SOX8: variants seen among roughly 807,000 people sequenced by gnomAD.
SOX8 encodes the protein transcription factor SOX-8.
SOX8 carries 9 observed loss-of-function variants against 22.9 expected under a neutral mutation model. The ratio of observed to expected loss-of-function variants is 0.39; its 90% CI spans 0.24 to 0.69. The LOEUF is 0.69. Ranked by LOEUF, SOX8 falls within the 30% of genes least tolerant of loss-of-function variation. The pLI, the probability that SOX8 is intolerant of heterozygous loss-of-function variation, is 0.43. For synonymous variants in SOX8, 416 were observed against 330.6 expected (o/e 1.26, Z -2.80); for missense variants, 734 against 699.4 (o/e 1.05, Z -0.56).
rs1047343132 is a variant in SOX8 at position 986,669 on chromosome 16, G to A, written c.*1283G>A. On this transcript the variant is annotated 3_prime_UTR_variant, in exon 3 of 3. Coordinates refer to ENST00000293894, the MANE Select transcript of SOX8 (RefSeq NM_014587.5). ...TGCTGAGCATAGAGCATACAATAGC[G>A]CCTACTTCACGGAAACTTGTGCCTT... is the stretch of plus-strand genomic sequence containing the variant. The A allele has an allele frequency of 1.3e-5, 2 of 152,472 alleles. No individual in the cohort carries two copies. Among genetic ancestry groups the A allele is most frequent in the Admixed American group, 6.5e-5 (1 of 15,282 alleles). 9.4% of individuals were successfully genotyped at this position (152,472 alleles called of 1,614,324 possible).
In SOX8 at chr16:985,265, G is replaced by A. The variant is rs371078557; in HGVS notation, c.1220G>A (p.Cys407Tyr). ...GCACCCGGCCTCTACCAGTACCCCTGCTTCCACTCGCCGCGCCGGCCCTAC... is the reference window on the plus strand; with the variant it reads ...GCACCCGGCCTCTACCAGTACCCCTACTTCCACTCGCCGCGCCGGCCCTAC... Reference protein sequence around the residue: ...GYAPGLYQYPCFHSPRRPYAS... With the variant: ...GYAPGLYQYPYFHSPRRPYAS... The change falls in exon 3 of 3, where the codon TGC (cysteine) becomes TAC (tyrosine). Residue 407 changes from cysteine (C) to tyrosine (Y), a missense_variant. Cys to Tyr is a radical substitution (Grantham distance 194). Around this residue, in one of 3 missense-constraint regions of SOX8, gnomAD observed 588 missense variants for 568.2 expected, o/e 1.03. Coordinates refer to ENST00000293894, the MANE Select transcript of SOX8 (RefSeq NM_014587.5). 6.2e-7 allele frequency: 1 copy of A among 1,611,872 alleles called. No individual in the cohort carries two copies. The highest frequency in any genetic ancestry group is 1.1e-5 in the South Asian group (1 of 91,072).
In SOX8 at chr16:982,039, C is replaced by A. The variant is rs750230450; in HGVS notation, c.117C>A (p.Ser39=). The A allele has an allele frequency of 2.2e-6, 3 of 1,367,636 alleles. No individual in the cohort carries two copies. Among genetic ancestry groups the A allele is most frequent in the Non-Finnish European group, 2.8e-6 (3 of 1,062,644 alleles). The allele number at this position is 1,367,636 out of a possible 1,614,324, so 84.7% of individuals were successfully genotyped here. ...DSDAPPSPAG[S]EGLGRAGVAV... is the part of the protein sequence containing the mutation. The stretch of plus-strand genomic sequence containing the variant: ...ACGCGCCGCCGTCTCCCGCCGGCTC[C>A]GAGGGCCTGGGCCGCGCGGGGGTCG... The change falls in exon 1 of 3, where the codon TCC becomes TCA. Residue 39 remains serine (S), a synonymous_variant. Coordinates refer to ENST00000293894, the MANE Select transcript of SOX8 (RefSeq NM_014587.5).
Position 986,750 on chromosome 16 carries a change from T to G in SOX8, c.*1364T>G, listed in dbSNP as rs887786299. The G allele has an allele frequency of 5.3e-5, 8 of 152,192 alleles. 1 individual carries two copies. Among genetic ancestry groups the G allele is most frequent in the Admixed American group, 4.6e-4 (7 of 15,246 alleles). 9.4% of individuals were successfully genotyped at this position (152,192 alleles called of 1,614,324 possible). On this transcript the variant is annotated 3_prime_UTR_variant, in exon 3 of 3. Transcript: ENST00000293894. Reference sequence around the variant, plus strand: ...AGTTGCTTCTTTGTACTTTTTCTACTTTTCCTACTTTTTTGTAGAAAAAAA... The same window carrying G: ...AGTTGCTTCTTTGTACTTTTTCTACGTTTCCTACTTTTTTGTAGAAAAAAA...
In SOX8 at chr16:985,593, C is replaced by T; in HGVS notation, c.*207C>T. On this transcript the variant is annotated 3_prime_UTR_variant, in exon 3 of 3. Transcript: ENST00000293894. ...CGGACCAGCTCCCTCTCCCTTCTAT[C>T]TTTCTTTTTGAGGTGGTGGGATTAT... The T allele has an allele frequency of 1.9e-6, 1 of 522,238 alleles. No homozygotes were observed. The highest frequency in any genetic ancestry group is 3.3e-6 in the Non-Finnish European group (1 of 299,724). The allele number at this position is 522,238 out of a possible 1,614,324, so 32.4% of individuals were successfully genotyped here.
rs375617723 is a variant in SOX8, at chr16:984,351, G to A, written c.656-350G>A. Reference sequence around the variant, plus strand: ...GCCTCGGTCAGGCTGGCTGACGCCCGCCAGCCTCAGAGTGCTTGGCTGGCC... The same window carrying A: ...GCCTCGGTCAGGCTGGCTGACGCCCACCAGCCTCAGAGTGCTTGGCTGGCC... On this transcript the variant is annotated intron_variant, in intron 2 of 2. Transcript: ENST00000293894. Among the ~76,000 whole-genome samples, 23 of 152,278 alleles carry A rather than the reference G, an allele frequency of 1.5e-4. No homozygotes were observed. In the South Asian group the frequency reaches 4.4e-3, roughly 29 times the overall value.
Position 982,008 on chromosome 16 carries a change from A to C in SOX8, c.86A>C (p.Asp29Ala). 7.1e-7 allele frequency: 1 copy of C among 1,416,102 alleles called. No individual in the cohort carries two copies. The highest frequency in any genetic ancestry group is 9.2e-7 in the Non-Finnish European group (1 of 1,084,608). 87.7% of individuals were successfully genotyped at this position (1,416,102 alleles called of 1,614,324 possible). A position where few individuals can be genotyped will look rare whatever the true frequency, so the allele number is the denominator to read the frequency against. The change falls in exon 1 of 3, where the codon GAC (aspartate) becomes GCC (alanine). Residue 29 changes from aspartate (D) to alanine (A), a missense_variant. Physicochemically the swap from Asp to Ala is moderately radical, Grantham distance 126. This residue lies in a region of SOX8 where 139 missense variants were observed against 109.1 expected (regional missense o/e 1.27). Transcript: ENST00000293894. Reference protein sequence around the residue: ...ASSMSHVEDSDSDAPPSPAGS... With the variant: ...ASSMSHVEDSASDAPPSPAGS... ...TCCATGTCGCACGTGGAGGACTCGG[A>C]CTCGGACGCGCCGCCGTCTCCCGCC...
chr16:983,089 A>G (rs1381702676), intron 1 of SOX8: 1 of 152,198 alleles, frequency 6.6e-6, no homozygotes, highest in Non-Finnish European at 1.5e-5. Context: ...CCTGCTCCTC[A>G]CCTGGAAGAA....
Position 985,440 on chromosome 16 carries a change from C to T in SOX8, c.*54C>T, listed in dbSNP as rs2073451809. On this transcript the variant is annotated 3_prime_UTR_variant, in exon 3 of 3. Transcript: ENST00000293894. ...GCGTCAGGGGGCAGCCTTGTCCCGG[C>T]CCAGTGTGTGTGACCAGGGCGGGAG... 2 of 1,413,948 alleles carry T rather than the reference C, an allele frequency of 1.4e-6. No homozygotes were observed. The highest frequency in any genetic ancestry group is 9.4e-7 in the Non-Finnish European group (1 of 1,063,958). The allele number at this position is 1,413,948 out of a possible 1,614,324, so 87.6% of individuals were successfully genotyped here. A position where few individuals can be genotyped will look rare whatever the true frequency, so the allele number is the denominator to read the frequency against.
intron 2 of SOX8, among the ~76,000 whole-genome samples, 185 bp from the exon 3 acceptor site, chr16:984,516 A>G (rs2073436932): frequency 6.6e-6 from 1 of 152,048 alleles, no homozygotes; most frequent in Non-Finnish European, 1.5e-5. Flanking sequence ...GCTTCATGGA[A>G]TTTTCTCGGC....
chr16:982,511 TC>T (rs1301399447), intron 1 of SOX8, 167 bp downstream of exon 1: 1 of 718,838 alleles, frequency 1.4e-6, no homozygotes, highest in South Asian at 5.5e-5. Flanking sequence ...TGGAAAAACA[TC>T]CTCTGGCCAG....
rs1469082194 is a variant in SOX8 at position 984,935 on chromosome 16, C to A, written c.890C>A (p.Pro297His). ...CTGCCCCTGGGCGGCCCCGCCCCAC[C>A]CGAGCCGGGCCAGGCCTATGGGGGC... The part of the protein sequence containing the change: ...QYLPLGGPAP[P>H]EPGQAYGGAY... Residue 297 changes from proline to histidine, a missense_variant, in exon 3 of 3, where the codon CCC (proline) becomes CAC (histidine). Pro to His is a moderately conservative substitution (Grantham distance 77, BLOSUM62 -2). Around this residue, in one of 3 missense-constraint regions of SOX8, gnomAD observed 588 missense variants for 568.2 expected, o/e 1.03. Transcript: ENST00000293894. The A allele has an allele frequency of 1.2e-6, 2 of 1,602,124 alleles. No individual in the cohort carries two copies. The highest frequency in any genetic ancestry group is 1.7e-6 in the Non-Finnish European group (2 of 1,174,252).
At position 986,461 on chromosome 16, in the gene SOX8, G is replaced by C. The variant is rs1217433650; in HGVS notation, c.*1075G>C. 6.6e-6 allele frequency: 1 copy of C among 152,300 alleles called. No homozygotes were observed. The highest frequency in any genetic ancestry group is 1.5e-5 in the Non-Finnish European group (1 of 68,056). The allele number at this position is 152,300 out of a possible 1,614,324, so 9.4% of individuals were successfully genotyped here. On this transcript the variant is annotated 3_prime_UTR_variant, in exon 3 of 3. Transcript: ENST00000293894. The stretch of plus-strand genomic sequence containing the variant: ...AATTCCTGGGTCCTTGCCCATGACT[G>C]TGCCATGTGGTAGGACACAGGACAC...
At position 982,264 on chromosome 16, in the gene SOX8, G is replaced by T; in HGVS notation, c.342G>T (p.Gln114His). 6.5e-7 allele frequency: 1 copy of T among 1,529,138 alleles called. No homozygotes were observed. 94.7% of individuals were successfully genotyped at this position (1,529,138 alleles called of 1,614,324 possible). Residue 114 changes from glutamine to histidine, a missense_variant, in exon 1 of 3, where the codon CAG (glutamine) becomes CAT (histidine). This residue lies in a region of SOX8 where 588 missense variants were observed against 568.2 expected (regional missense o/e 1.03). Coordinates refer to ENST00000293894, the MANE Select transcript of SOX8 (RefSeq NM_014587.5). Reference protein sequence around the residue: ...RPMNAFMVWAQAARRKLADQY... With the variant: ...RPMNAFMVWAHAARRKLADQY... Reference sequence around the variant, plus strand: ...TGAACGCATTCATGGTGTGGGCGCAGGCGGCGCGCCGCAAGCTGGCCGACC... The same window carrying T: ...TGAACGCATTCATGGTGTGGGCGCATGCGGCGCGCCGCAAGCTGGCCGACC...
In SOX8 at chr16:985,017, C is replaced by T; in HGVS notation, c.972C>T (p.Ala324=). 1 of 1,492,730 alleles carries T rather than the reference C, an allele frequency of 6.7e-7. No homozygotes were observed. The highest frequency in any genetic ancestry group is 8.9e-7 in the Non-Finnish European group (1 of 1,129,312). The allele number at this position is 1,492,730 out of a possible 1,614,324, so 92.5% of individuals were successfully genotyped here. The change falls in exon 3 of 3, where the codon GCC becomes GCT. Residue 324 remains alanine (A), a synonymous_variant. Coordinates refer to ENST00000293894, the MANE Select transcript of SOX8 (RefSeq NM_014587.5). ...GGGCCCACAAGAGTGCCCCGTCGGCCTCCGCGTCGCCCACCGAGACGGGTC... is the reference window on the plus strand; with the variant it reads ...GGGCCCACAAGAGTGCCCCGTCGGCTTCCGCGTCGCCCACCGAGACGGGTC... ...PVWAHKSAPS[A]SASPTETGPP... is the part of the protein sequence containing the mutation.
chr16:985,872 A>G lies in SOX8; in HGVS notation c.*486A>G, dbSNP rs2073456979. 1 of 158,526 alleles carries G rather than the reference A, an allele frequency of 6.3e-6. No individual in the cohort carries two copies. The highest frequency in any genetic ancestry group is 1.9e-4 in the East Asian group (1 of 5,386). The allele number at this position is 158,526 out of a possible 1,614,324, so 9.8% of individuals were successfully genotyped here. ...CCGGGGTGTCTGTCCGCAGACTGGG[A>G]TGAGTCTACTCGAGCATCTCCGGGA... On this transcript the variant is annotated 3_prime_UTR_variant, in exon 3 of 3. Transcript: ENST00000293894.
chr16:985,272 CT>C lies in SOX8; in HGVS notation c.1228del (p.Ser410ArgfsTer34). 1 of 1,611,790 alleles carries C rather than the reference CT, an allele frequency of 6.2e-7. No individual in the cohort carries two copies. ...GCCTCTACCAGTACCCCTGCTTCCA[CT>C]CGCCGCGCCGGCCCTACGCCTCACC... is the stretch of plus-strand genomic sequence containing the variant. ...PGLYQYPCFHSPRRPYASPLL... is the reference protein window; with the variant it reads ...PGLYQYPCFHXPRRPYASPLL... On this transcript the variant is annotated frameshift_variant, in exon 3 of 3. Transcript: ENST00000293894. LOFTEE classifies it high-confidence loss of function.
At position 985,200 on chromosome 16, in the gene SOX8, C is replaced by A; in HGVS notation, c.1155C>A (p.Asp385Glu). Residue 385 changes from aspartate to glutamate, a missense_variant, in exon 3 of 3, where the codon GAC becomes GAA. Transcript: ENST00000293894. ...PFAGSQGDYG[D>E]LQASSYYGAY... is the part of the protein sequence containing the mutation. ...CCGGCTCACAGGGCGACTATGGCGA[C>A]CTGCAGGCCTCCAGCTACTATGGTG... The A allele has an allele frequency of 6.2e-7, 1 of 1,611,814 alleles. No homozygotes were observed.
Position 985,637 on chromosome 16 carries a change from C to T in SOX8, c.*251C>T, listed in dbSNP as rs1424259700. 11 of 484,080 alleles carry T rather than the reference C, an allele frequency of 2.3e-5. No individual in the cohort carries two copies. The highest frequency in any genetic ancestry group is 4.0e-5 in the Non-Finnish European group (11 of 275,534). 30.0% of individuals were successfully genotyped at this position (484,080 alleles called of 1,614,324 possible). On this transcript the variant is annotated 3_prime_UTR_variant, in exon 3 of 3. Transcript: ENST00000293894. Reference sequence around the variant, plus strand: ...GGATTATTCCACAAAGAAGGGCTGCCGTTTGGTCCCTCTTCCGTGAGGACT... The same window carrying T: ...GGATTATTCCACAAAGAAGGGCTGCTGTTTGGTCCCTCTTCCGTGAGGACT...
At position 985,516 on chromosome 16, in the gene SOX8, C is replaced by T. The variant is rs775756877; in HGVS notation, c.*130C>T. On this transcript the variant is annotated 3_prime_UTR_variant, in exon 3 of 3. Coordinates refer to ENST00000293894, the MANE Select transcript of SOX8 (RefSeq NM_014587.5). ...GCCTGCTGAAGTCTGCAGGGAAACACGCTTGCTGCCCGTGGCCCTCGGCCT... is the reference window on the plus strand; with the variant it reads ...GCCTGCTGAAGTCTGCAGGGAAACATGCTTGCTGCCCGTGGCCCTCGGCCT... 106 of 744,856 alleles carry T rather than the reference C, an allele frequency of 1.4e-4. No individual in the cohort carries two copies. Among genetic ancestry groups the T allele is most frequent in the Non-Finnish European group, 1.8e-4 (87 of 483,508 alleles). 46.1% of individuals were successfully genotyped at this position (744,856 alleles called of 1,614,324 possible). A position where few individuals can be genotyped will look rare whatever the true frequency, so the allele number is the denominator to read the frequency against.
Sources: gnomAD v4.1 joint callset for allele counts (sites outside exome capture counted in the v4.1 genomes callset) on GRCh38, gnomAD v4.1.1 for gene constraint, gnomAD v4.1.1 regional missense constraint, MANE v1.5 for transcripts, NCBI Gene and HGNC (gene_info 2026-07-23, HGNC 2026-07-21) for gene names.